Variants in ABCD2 observed in about 807,000 individuals in gnomAD.
ABCD2 encodes the protein ATP-binding cassette sub-family D member 2.
Under a neutral mutation model 70.9 loss-of-function variants are expected in ABCD2, and 36 were observed. The ratio of observed to expected loss-of-function variants is 0.51; its 90% CI spans 0.39 to 0.67. The LOEUF (loss-of-function observed/expected upper bound fraction) is 0.67. Ranked by LOEUF, ABCD2 falls within the 30% of genes least tolerant of loss-of-function variation. The pLI is 0.00. For synonymous variants in ABCD2, 304 were observed against 306.9 expected (o/e 0.99, Z 0.10); for missense variants, 729 against 890.2 (o/e 0.82, Z 2.30).
intron 9 of ABCD2, among the ~76,000 whole-genome samples, chr12:39,567,309 G>A (rs1338576528): frequency 2.0e-5 from 3 of 152,164 alleles, no homozygotes; most frequent in Non-Finnish European, 2.9e-5. Context: ...ATGCATCTGG[G>A]TGCTTCTGTA....
At chr12:39,599,538 C>T (rs569437645) in intron 6 of ABCD2, among the ~76,000 whole-genome samples, 1 of 152,284 alleles carries the variant, frequency 6.6e-6, no homozygotes, top group Middle Eastern at 3.4e-3. Context: ...TGTCATTGCT[C>T]ATGTCCAGCA....
the ABCD2 span, among the ~76,000 whole-genome samples, chr12:39,541,686 G>A: frequency 3.3e-5 from 5 of 152,218 alleles, no homozygotes; most frequent in East Asian, 1.9e-4. Flanking sequence ...TGTGGAGCAC[G>A]TGACATGGAT....
Position 39,551,254 on chromosome 12 carries a change from A to G in ABCD2, c.*2658T>C, listed in dbSNP as rs558317926. ...TTTTCAAGTTTAAGAGTTAACCTAA[A>G]GAATGCACATTTTAAACTCAAGCTC... On this transcript the variant is annotated 3_prime_UTR_variant, in exon 10 of 10. Transcript: ENST00000308666. 3 of 151,854 alleles carry G rather than the reference A, an allele frequency of 2.0e-5. No homozygotes were observed. The highest frequency in any genetic ancestry group is 2.0e-4 in the Admixed American group (3 of 15,228). 9.4% of individuals were successfully genotyped at this position (151,854 alleles called of 1,614,324 possible). A position where few individuals can be genotyped will look rare whatever the true frequency, so the allele number is the denominator to read the frequency against.
At chr12:39,607,421 C>T (rs946804581) in intron 3 of ABCD2, among the ~76,000 whole-genome samples, 178 bp downstream of exon 3, 18 of 152,090 alleles carry the variant, frequency 1.2e-4, no homozygotes, top group Admixed American at 1.2e-3. Context: ...TATTATAAAA[C>T]AAAGGATATT....
chr12:39,543,774 CTTTA>C, the ABCD2 span, among the ~76,000 whole-genome samples: 2 of 152,118 alleles, frequency 1.3e-5, no homozygotes, highest in African/African-American at 2.4e-5. Context: ...TCTGTTAATA[CTTTA>C]TTTATGGATT....
chr12:39,579,021 A>G (rs905124536), intron 8 of ABCD2, among the ~76,000 whole-genome samples: 3 of 152,202 alleles, frequency 2.0e-5, no homozygotes, highest in African/African-American at 7.2e-5. Context: ...AACATTACTC[A>G]ACATGAAAGA....
intron 9 of ABCD2, among the ~76,000 whole-genome samples, chr12:39,569,240 C>T (rs917123761): frequency 2.0e-5 from 3 of 152,192 alleles, no homozygotes; most frequent in Admixed American, 6.5e-5. Context: ...GTCTACAGAT[C>T]CAAGCAGGCC....
At chr12:39,605,059 A>AT in intron 3 of ABCD2, 129 bp from the exon 4 acceptor site, 1 of 605,400 alleles carries the variant, frequency 1.7e-6, no homozygotes, top group Non-Finnish European at 2.5e-6. Flanking sequence ...AGATATATAT[A>AT]ATACATCTGA....
intron 6 of ABCD2, among the ~76,000 whole-genome samples, chr12:39,590,653 G>A (rs1941733386): frequency 6.6e-6 from 1 of 151,884 alleles, no homozygotes; most frequent in Non-Finnish European, 1.5e-5. Context: ...CATTCCCCAT[G>A]ATTATGGCTT....
intron 9 of ABCD2, among the ~76,000 whole-genome samples, chr12:39,554,741 A>G (rs947012912): frequency 6.6e-6 from 1 of 152,176 alleles, no homozygotes; most frequent in African/African-American, 2.4e-5. Context: ...AGGTACAGAG[A>G]TTATTTTACT....
chr12:39,609,224 A>T (rs1217178297), intron 2 of ABCD2, among the ~76,000 whole-genome samples: 1 of 152,280 alleles, frequency 6.6e-6, no homozygotes, highest in East Asian at 1.9e-4. Context: ...CTGTCAATGG[A>T]GAATTATGGT....
Position 39,619,501 on chromosome 12 carries a change from T to C in ABCD2, c.115A>G (p.Ile39Val). The C allele has an allele frequency of 6.2e-7, 1 of 1,612,964 alleles. No individual in the cohort carries two copies. Among genetic ancestry groups the C allele is most frequent in the South Asian group, 1.1e-5 (1 of 91,072 alleles). ...AAYALKTLYP[I>V]IGKRLKQSGH... Reference sequence around the variant, plus strand: ...GATTGCTTTAAACGCTTGCCAATGATGGGATAGAGGGTTTTCAGAGCATAT... The same window carrying C: ...GATTGCTTTAAACGCTTGCCAATGACGGGATAGAGGGTTTTCAGAGCATAT... Residue 39 changes from isoleucine (I) to valine (V), a missense_variant, in exon 1 of 10, where the codon ATC becomes GTC. Ile to Val is a conservative substitution (Grantham distance 29). Transcript: ENST00000308666.
At chr12:39,601,858 C>T (rs943285310) in intron 5 of ABCD2, among the ~76,000 whole-genome samples, 1 of 151,890 alleles carries the variant, frequency 6.6e-6, no homozygotes, top group African/African-American at 2.4e-5. Context: ...AGAGAAAAGG[C>T]TAAGGGTTTA....
intron 6 of ABCD2, among the ~76,000 whole-genome samples, chr12:39,590,222 C>T (rs11834736): frequency 0.079 from 12,020 of 152,138 alleles, 1,627 homozygotes; most frequent in African/African-American, 0.27. Context: ...ACTAAACTTT[C>T]CTTTCTAGAT....
chr12:39,609,504 T>C (rs1942016856), intron 2 of ABCD2, among the ~76,000 whole-genome samples: 1 of 152,346 alleles, frequency 6.6e-6, no homozygotes, highest in South Asian at 2.1e-4. Flanking sequence ...TATTATTGTA[T>C]ATCCACTCAA....
At chr12:39,602,673 CT>C (rs1158740145) in intron 5 of ABCD2, among the ~76,000 whole-genome samples, 1 of 151,930 alleles carries the variant, frequency 6.6e-6, no homozygotes, top group Non-Finnish European at 1.5e-5. Flanking sequence ...TTCTAAGATA[CT>C]TTCACTAGAC....
rs187906528 is a variant in ABCD2, at chr12:39,558,497, C to T, written c.2004-4366G>A. Among the ~76,000 whole-genome samples, 80 of 152,278 alleles carry T rather than the reference C, an allele frequency of 5.3e-4. No individual in the cohort carries two copies. The East Asian group carries it at 9.3e-3, about 18-fold the overall frequency. On this transcript the variant is annotated intron_variant, in intron 9 of 9. Transcript: ENST00000308666. ...TGAATTGTATTCCCCAAAATCTCCACGTGTCAAGGGAAAGACCAGGTGGAG... is the reference window on the plus strand; with the variant it reads ...TGAATTGTATTCCCCAAAATCTCCATGTGTCAAGGGAAAGACCAGGTGGAG...
At position 39,553,974 on chromosome 12, in the gene ABCD2, A is replaced by G. The variant is rs1941124648; in HGVS notation, c.2161T>C (p.Cys721Arg). 1 of 1,613,258 alleles carries G rather than the reference A, an allele frequency of 6.2e-7. No individual in the cohort carries two copies. Among genetic ancestry groups the G allele is most frequent in the Non-Finnish European group, 8.5e-7 (1 of 1,179,796 alleles). ...ACTGAGTCTTCTCCCAAAATTTTAC[A>G]TAGTTCATTGAGTCTCTGCTGCATT... ...PKMQQRLNEL[C>R]KILGEDSVLK... The change falls in exon 10 of 10, where the codon TGT becomes CGT. Residue 721 changes from cysteine (C) to arginine (R), a missense_variant. This residue lies in a region of ABCD2 where 289 missense variants were observed against 328.8 expected (regional missense o/e 0.88). Transcript: ENST00000308666.
chr12:39,601,169 G>A (rs1430845934), intron 5 of ABCD2, among the ~76,000 whole-genome samples: 1 of 151,756 alleles, frequency 6.6e-6, no homozygotes, highest in Non-Finnish European at 1.5e-5. Context: ...GAGTCAGCTG[G>A]GCTGTTTAAT....
Sources: gnomAD v4.1 joint callset for allele counts (sites outside exome capture counted in the v4.1 genomes callset) on GRCh38, gnomAD v4.1.1 for gene constraint, gnomAD v4.1.1 regional missense constraint, MANE v1.5 for transcripts, NCBI Gene and HGNC (gene_info 2026-07-23, HGNC 2026-07-21) for gene names.